Variants in FRMPD1 observed in about 807,000 individuals in gnomAD.
FRMPD1 encodes the protein FERM and PDZ domain-containing protein 1.
In FRMPD1, 76 loss-of-function variants were observed where a neutral mutation model predicts 117.8. The ratio of observed to expected loss-of-function variants is 0.65; its 90% CI spans 0.54 to 0.78. The LOEUF is 0.78. Ranked by LOEUF, FRMPD1 falls within the 30% of genes least tolerant of loss-of-function variation. The pLI, the probability that FRMPD1 is intolerant of heterozygous loss-of-function variation, is 0.00. For missense variants in FRMPD1, 1,786 were observed against 1,964.5 expected (o/e 0.91, Z 1.72); for synonymous variants, 783 against 770.4 (o/e 1.02, Z -0.27).
intron 12 of FRMPD1, among the ~76,000 whole-genome samples, chr9:37,734,116 A>G (rs1193120796): frequency 6.6e-6 from 1 of 152,186 alleles, no homozygotes; most frequent in African/African-American, 2.4e-5. Flanking sequence ...GTTCAGGCCT[A>G]TTGCTGTGGA....
upstream of FRMPD1, among the ~76,000 whole-genome samples, chr9:37,650,652 G>T (rs1820638906): frequency 6.6e-6 from 1 of 152,136 alleles, no homozygotes; most frequent in African/African-American, 2.4e-5. Flanking sequence ...GGTGACCTTG[G>T]GGAGTCCCTT....
At position 37,740,463 on chromosome 9, in the gene FRMPD1, G is replaced by T; in HGVS notation, c.1935G>T (p.Glu645Asp). Residue 645 changes from glutamate to aspartate, a missense_variant, in exon 15 of 16, where the codon GAG (glutamate) becomes GAT (aspartate). Glu to Asp is a conservative substitution (Grantham distance 45). Transcript: ENST00000377765. This position sits in a 1 kb window ranked among gnomAD's most constrained non-coding sequence, Gnocchi z 4.2. ...AGAGCATTGACTCTGACAGCCAGGA[G>T]GAGAGAAGCGGGATTGAAACCAGTG... Reference protein sequence around the residue: ...LAESIDSDSQEERSGIETSGF... With the variant: ...LAESIDSDSQDERSGIETSGF... The T allele has an allele frequency of 1.2e-6, 2 of 1,614,236 alleles. No homozygotes were observed. The highest frequency in any genetic ancestry group is 1.7e-6 in the Non-Finnish European group (2 of 1,180,046).
chr9:37,658,842 C>CAAA (rs1221330545), intron 1 of FRMPD1, among the ~76,000 whole-genome samples: 1 of 152,018 alleles, frequency 6.6e-6, no homozygotes, highest in Non-Finnish European at 1.5e-5. Context: ...TTACAGGTTC[C>CAAA]TGGGATTGGG....
chr9:37,723,582 G>A (rs1465799131), intron 6 of FRMPD1, among the ~76,000 whole-genome samples: 1 of 152,232 alleles, frequency 6.6e-6, no homozygotes, highest in Non-Finnish European at 1.5e-5. Flanking sequence ...AACAGGCCAG[G>A]CATGGTGGCT....
the FRMPD1 span, among the ~76,000 whole-genome samples, chr9:37,616,117 CTTTTTT>C: frequency 1.0e-5 from 1 of 96,770 alleles, no homozygotes; most frequent in African/African-American, 4.1e-5. Flanking sequence ...GTGCCCAGCC[CTTTTTT>C]TTTTTTTTTT....
rs758532336 is a variant in FRMPD1, at chr9:37,740,978, C to A, written c.2356+94C>A. 3.2e-5 allele frequency: 30 copies of A among 937,396 alleles called. No individual in the cohort carries two copies. The highest frequency in any genetic ancestry group is 4.3e-4 in the Middle Eastern group (2 of 4,678). The allele number at this position is 937,396 out of a possible 1,614,324, so 58.1% of individuals were successfully genotyped here. On this transcript the variant is annotated intron_variant, in intron 15 of 15. Coordinates refer to ENST00000377765, the MANE Select transcript of FRMPD1 (RefSeq NM_014907.3). The surrounding 1 kb of genome is among the most constrained non-coding windows in gnomAD (Gnocchi z 4.2). ...TGGGGCCAAGCTTGAGAGGAAGGCACATGAGTGAAACAGGGTCCCTGTACA... is the reference window on the plus strand; with the variant it reads ...TGGGGCCAAGCTTGAGAGGAAGGCAAATGAGTGAAACAGGGTCCCTGTACA...
the FRMPD1 span, chr9:37,637,402 G>T: frequency 3.0e-6 from 2 of 673,770 alleles, no homozygotes; most frequent in Non-Finnish European, 5.3e-6. Flanking sequence ...AAGTAAAATT[G>T]CATTTAATAA....
intron 1 of FRMPD1, among the ~76,000 whole-genome samples, chr9:37,685,399 T>C (rs1158780977): frequency 6.6e-6 from 1 of 152,134 alleles, no homozygotes; most frequent in Non-Finnish European, 1.5e-5. Context: ...ATCCCAGCAC[T>C]TTGGGAGGCC....
At chr9:37,692,477 A>G (rs1230222533) in intron 1 of FRMPD1, among the ~76,000 whole-genome samples, 161 bp from the exon 2 acceptor site, 1 of 152,248 alleles carries the variant, frequency 6.6e-6, no homozygotes, top group Non-Finnish European at 1.5e-5. Context: ...CTCTGTGAAC[A>G]TTGAGCACCT....
intron 3 of FRMPD1, among the ~76,000 whole-genome samples, chr9:37,708,130 C>T (rs1352767216): frequency 6.6e-6 from 1 of 152,200 alleles, no homozygotes; most frequent in Non-Finnish European, 1.5e-5. Context: ...TACTGGCCAA[C>T]TCTATTGATT....
intron 2 of FRMPD1, chr9:37,693,056 A>C: frequency 2.8e-6 from 1 of 360,326 alleles, no homozygotes; most frequent in East Asian, 5.1e-5. Flanking sequence ...ATGCATATAC[A>C]CTCTCTGGAG....
chr9:37,713,591 A>G (rs1389688338), intron 5 of FRMPD1, among the ~76,000 whole-genome samples: 1 of 152,068 alleles, frequency 6.6e-6, no homozygotes, highest in Admixed American at 6.6e-5. Flanking sequence ...CCGTATATAT[A>G]TATATATGTA....
chr9:37,746,863 T>G lies in FRMPD1; in HGVS notation c.*94T>G. The stretch of plus-strand genomic sequence containing the variant: ...CTCTCCCACCCACCCTCTTCAAATG[T>G]TTACTATATAGAGTATTCAAATAAA... On this transcript the variant is annotated 3_prime_UTR_variant, in exon 16 of 16. Coordinates refer to ENST00000377765, the MANE Select transcript of FRMPD1 (RefSeq NM_014907.3). 1.3e-6 allele frequency: 1 copy of G among 796,644 alleles called. No individual in the cohort carries two copies. Among genetic ancestry groups the G allele is most frequent in the Non-Finnish European group, 2.1e-6 (1 of 484,600 alleles). 49.3% of individuals were successfully genotyped at this position (796,644 alleles called of 1,614,324 possible).
At chr9:37,741,046 G>C in intron 15 of FRMPD1, 162 bp downstream of exon 15, 1 of 622,372 alleles carries the variant, frequency 1.6e-6, no homozygotes, top group Non-Finnish European at 2.9e-6. Context: ...CAAATTTTAG[G>C]CATCGTGGCA....
the FRMPD1 span, among the ~76,000 whole-genome samples, chr9:37,621,905 G>A: frequency 1.3e-5 from 2 of 152,132 alleles, no homozygotes; most frequent in African/African-American, 4.8e-5. Context: ...GGGTCCTCAA[G>A]TGAGGGCTCA....
intron 1 of FRMPD1, among the ~76,000 whole-genome samples, chr9:37,655,067 T>G (rs1820799146): frequency 6.6e-6 from 1 of 152,172 alleles, no homozygotes; most frequent in Non-Finnish European, 1.5e-5. Context: ...CCAGCCCTGG[T>G]ACCAAAATAC....
intron 5 of FRMPD1, among the ~76,000 whole-genome samples, chr9:37,717,897 A>G (rs1488118189): frequency 6.6e-6 from 1 of 152,160 alleles, no homozygotes; most frequent in Non-Finnish European, 1.5e-5. Context: ...AAGCAATCTG[A>G]TAGTCTTATC....
At chr9:37,716,577 C>G (rs113450848) in intron 5 of FRMPD1, among the ~76,000 whole-genome samples, 1 of 152,192 alleles carries the variant, frequency 6.6e-6, no homozygotes, top group African/African-American at 2.4e-5. Flanking sequence ...ATTTATCTCC[C>G]GAAGGTGAGA....
intron 2 of FRMPD1, among the ~76,000 whole-genome samples, chr9:37,700,081 A>G (rs1394661189): frequency 6.6e-6 from 1 of 152,152 alleles, no homozygotes; most frequent in East Asian, 1.9e-4. Context: ...TAATACTATT[A>G]ATGGTGTAGA....
Sources: gnomAD v4.1 joint callset for allele counts (sites outside exome capture counted in the v4.1 genomes callset) on GRCh38, gnomAD v4.1.1 for gene constraint, Gnocchi (gnomAD v3.1) non-coding constraint, MANE v1.5 for transcripts, NCBI Gene and HGNC (gene_info 2026-07-23, HGNC 2026-07-21) for gene names.